The following RAPGEF5 variants were observed in gnomAD, a reference collection of about 807,000 sequenced individuals.
RAPGEF5 encodes Rap guanine nucleotide exchange factor 5, also known as M-Ras-regulated GEF.
RAPGEF5 carries 65 observed loss-of-function variants against 125.2 expected under a neutral mutation model. That is an observed-to-expected ratio of 0.52 (90% CI 0.43 to 0.64). RAPGEF5 has a LOEUF of 0.64. RAPGEF5 is among the 30% of genes least tolerant of loss of function. The pLI is 0.00. For synonymous variants in RAPGEF5, 391 were observed against 385.9 expected, an observed-to-expected ratio of 1.01 and a Z score of -0.16; for missense variants, 958 against 1,048.1, an observed-to-expected ratio of 0.91 and a Z score of 1.19.
At chr7:22,167,797 C>T (rs983868868) in intron 11 of RAPGEF5, among the ~76,000 whole-genome samples, 1 of 152,130 alleles carries the variant, frequency 6.6e-6, no homozygotes, top group African/African-American at 2.4e-5. Flanking sequence ...CTTTTTTCTA[C>T]CAACCAAACC....
At chr7:22,247,724 A>G (rs1786514313) in intron 7 of RAPGEF5, among the ~76,000 whole-genome samples, 1 of 150,818 alleles carries the variant, frequency 6.6e-6, no homozygotes, top group Non-Finnish European at 1.5e-5. Context: ...AAACCAACCT[A>G]GAGACCCATT....
chr7:22,244,342 C>T (rs1786421155), intron 7 of RAPGEF5, among the ~76,000 whole-genome samples: 1 of 152,146 alleles, frequency 6.6e-6, no homozygotes, highest in African/African-American at 2.4e-5. Flanking sequence ...GGTGCTGATC[C>T]ATGGCCTGTT....
chr7:22,324,827 T>C (rs1018249901), intron 1 of RAPGEF5, among the ~76,000 whole-genome samples: 5 of 152,126 alleles, frequency 3.3e-5, no homozygotes, highest in Admixed American at 1.3e-4. Flanking sequence ...TCCCTACATG[T>C]CACCTTATTT....
At chr7:22,226,588 G>A (rs1785924219) in intron 8 of RAPGEF5, among the ~76,000 whole-genome samples, 1 of 152,158 alleles carries the variant, frequency 6.6e-6, no homozygotes, top group African/African-American at 2.4e-5. Context: ...TGAGAATTGG[G>A]AAATGAACCA....
chr7:22,199,680 G>A (rs1785233727), intron 9 of RAPGEF5, among the ~76,000 whole-genome samples: 2 of 152,030 alleles, frequency 1.3e-5, no homozygotes, highest in Admixed American at 1.3e-4. Context: ...TCAGGTAGCT[G>A]GAAGGTCCGA....
chr7:22,120,883 T>G lies in RAPGEF5; in HGVS notation c.*1523A>C, dbSNP rs188436772. 2.0e-5 allele frequency: 3 copies of G among 152,080 alleles called. No individual in the cohort carries two copies. Among genetic ancestry groups the G allele is most frequent in the African/African-American group, 4.8e-5 (2 of 41,408 alleles). The allele number at this position is 152,080 out of a possible 1,614,324, so 9.4% of individuals were successfully genotyped here. On this transcript the variant is annotated 3_prime_UTR_variant, in exon 26 of 26. Transcript: ENST00000665637. The surrounding 1 kb of genome is among the most constrained non-coding windows in gnomAD (Gnocchi z 4.0). ...ACTGCTATAAAGATGTCAAAAAGCA[T>G]TGGACACGCCTCAGTAATGAGGATG...
chr7:22,295,508 C>T (rs1636896), intron 5 of RAPGEF5, among the ~76,000 whole-genome samples: 61,369 of 151,864 alleles, frequency 0.4, 13,277 homozygotes, highest in African/African-American at 0.58. Flanking sequence ...TACTCTTAAA[C>T]ATAAGTGTAC....
In RAPGEF5 at chr7:22,266,841, T is replaced by C. The variant is rs1056579646; in HGVS notation, c.796+123A>G. The C allele has an allele frequency of 2.4e-5, 22 of 901,566 alleles. No homozygotes were observed. The African/African-American group carries it at 3.5e-4, about 14-fold the overall frequency. 55.8% of individuals were successfully genotyped at this position (901,566 alleles called of 1,614,324 possible). ...ACAAATGATTTTTAAAAACAAATGG[T>C]ATAATTCTTTGCATTCTACACCATA... On this transcript the variant is annotated intron_variant, in intron 7 of 25. Coordinates refer to ENST00000665637, the MANE Select transcript of RAPGEF5 (RefSeq NM_012294.5).
chr7:22,289,730 C>G (rs1272449535), intron 6 of RAPGEF5, among the ~76,000 whole-genome samples: 1 of 152,196 alleles, frequency 6.6e-6, no homozygotes, highest in Non-Finnish European at 1.5e-5. Context: ...CCATCCAAAT[C>G]TCATCTTGGA....
intron 19 of RAPGEF5, among the ~76,000 whole-genome samples, chr7:22,145,876 T>G (rs553036656): frequency 6.6e-6 from 1 of 152,294 alleles, no homozygotes; most frequent in South Asian, 2.1e-4. Context: ...GGTCTGATAA[T>G]TTACGAAATC....
chr7:22,290,601 C>T (rs1264572771), intron 6 of RAPGEF5, among the ~76,000 whole-genome samples: 3 of 151,970 alleles, frequency 2.0e-5, no homozygotes, highest in South Asian at 2.1e-4. Flanking sequence ...AAAAATTAGC[C>T]GGGCGTAGTG....
chr7:22,209,774 G>A (rs1423710969), intron 9 of RAPGEF5, among the ~76,000 whole-genome samples: 3 of 152,070 alleles, frequency 2.0e-5, no homozygotes, highest in Non-Finnish European at 2.9e-5. Context: ...TCACTTTAGG[G>A]CCTCACAAAA....
At position 22,194,058 on chromosome 7, in the gene RAPGEF5, G is replaced by A. The variant is rs778831533; in HGVS notation, c.997-25C>T. 2.8e-5 allele frequency: 44 copies of A among 1,564,886 alleles called. No homozygotes were observed. The South Asian group carries it at 4.6e-4, about 16-fold the overall frequency. On this transcript the variant is annotated intron_variant, in intron 9 of 25. Transcript: ENST00000665637. The stretch of plus-strand genomic sequence containing the variant: ...GCTTTAATTGTGGACAGGGATGATG[G>A]ATGAGAGAAGGAAAAAGAGAGAGAA...
Position 22,136,928 on chromosome 7 carries a change from CT to C in RAPGEF5, c.2328+4del. The C allele has an allele frequency of 6.4e-7, 1 of 1,573,700 alleles. No homozygotes were observed. The highest frequency in any genetic ancestry group is 8.7e-7 in the Non-Finnish European group (1 of 1,150,732). On this transcript the variant is annotated splice_donor_region_variant and intron_variant, in intron 22 of 25. Coordinates refer to ENST00000665637, the MANE Select transcript of RAPGEF5 (RefSeq NM_012294.5). ...GAATAAGTCCCCTTTGGCTCAACTA[CT>C]TACTGTTAAACTTTCAAGTTCAGAG...
At chr7:22,169,885 G>C (rs1453900699) in intron 11 of RAPGEF5, among the ~76,000 whole-genome samples, 2 of 11,868 alleles carry the variant, frequency 1.7e-4, no homozygotes, top group Non-Finnish European at 4.1e-4. Flanking sequence ...AAAAAAAGCT[G>C]AATCTTCCCA....
intron 8 of RAPGEF5, among the ~76,000 whole-genome samples, chr7:22,222,651 A>G (rs918142068): frequency 1.3e-5 from 2 of 152,200 alleles, no homozygotes; most frequent in Admixed American, 1.3e-4. Flanking sequence ...ATTTCCTTAT[A>G]GGCTGTATAA....
chr7:22,347,226 T>C (rs1286145623), intron 1 of RAPGEF5, among the ~76,000 whole-genome samples: 1 of 152,174 alleles, frequency 6.6e-6, no homozygotes, highest in Non-Finnish European at 1.5e-5. Context: ...AAATTTATTC[T>C]CTTCTCACAT....
At chr7:22,306,561 C>A (rs1783346784) in intron 5 of RAPGEF5, among the ~76,000 whole-genome samples, 1 of 152,090 alleles carries the variant, frequency 6.6e-6, no homozygotes, top group Admixed American at 6.6e-5. Context: ...GCAGGAAGAT[C>A]TTCAACTTAA....
chr7:22,223,372 C>A (rs754714742), intron 8 of RAPGEF5, among the ~76,000 whole-genome samples: 4 of 152,160 alleles, frequency 2.6e-5, no homozygotes, highest in Non-Finnish European at 5.9e-5. Context: ...TTGAGTGGAG[C>A]AATTTCTGTT....
Sources: allele counts gnomAD v4.1 joint callset (sites outside exome capture counted in the v4.1 genomes callset), GRCh38; gene constraint gnomAD v4.1.1; non-coding constraint Gnocchi (gnomAD v3.1); transcripts MANE v1.5; gene names NCBI Gene and HGNC (gene_info 2026-07-23, HGNC 2026-07-21).